The following PTCD2 variants were observed in gnomAD, a reference collection of about 807,000 sequenced individuals.
PTCD2 encodes pentatricopeptide repeat-containing protein 2, mitochondrial.
PTCD2 carries 31 observed loss-of-function variants against 42.6 expected under a neutral mutation model. The observed-to-expected ratio is 0.73, with a 90% CI of 0.55 to 0.98. The LOEUF is 0.98. Among genes scored for constraint, PTCD2 ranks in the 50% least tolerant of loss-of-function variants. PTCD2 has a pLI of 0.00. For synonymous variants in PTCD2, 183 were observed against 170.9 expected, an observed-to-expected ratio of 1.07 and a Z score of -0.55; for missense variants, 476 against 454.8, an observed-to-expected ratio of 1.05 and a Z score of -0.42.
At chr5:72,352,544 A>T in intron 8 of PTCD2, 97 bp from the exon 9 acceptor site, 1 of 607,964 alleles carries the variant, frequency 1.6e-6, no homozygotes, top group East Asian at 3.0e-5. Flanking sequence ...AAAGCAGGGT[A>T]GGTGCCTATA....
rs917147930 is a variant in PTCD2, at chr5:72,362,329, G to A, written c.*3902G>A. On this transcript the variant is annotated 3_prime_UTR_variant, in exon 10 of 10. Transcript: ENST00000380639. ...TTTGGTCACCCCTTCCTTTAAGCGAGGTCATGGCAAAAAGACGCTGTCTAT... is the reference window on the plus strand; with the variant it reads ...TTTGGTCACCCCTTCCTTTAAGCGAAGTCATGGCAAAAAGACGCTGTCTAT... 7 of 152,128 alleles carry A rather than the reference G, an allele frequency of 4.6e-5. No individual in the cohort carries two copies. Among genetic ancestry groups the A allele is most frequent in the African/African-American group, 1.7e-4 (7 of 41,436 alleles). The allele number at this position is 152,128 out of a possible 1,614,324, so 9.4% of individuals were successfully genotyped here. A position where few individuals can be genotyped will look rare whatever the true frequency, so the allele number is the denominator to read the frequency against.
chr5:72,364,579 A>T lies in PTCD2; in HGVS notation c.*6152A>T, dbSNP rs1469739510. 6.6e-6 allele frequency: 1 copy of T among 152,200 alleles called. No homozygotes were observed. The highest frequency in any genetic ancestry group is 6.5e-5 in the Admixed American group (1 of 15,282). 9.4% of individuals were successfully genotyped at this position (152,200 alleles called of 1,614,324 possible). ...TAGCATATTATTTATACATCTAATG[A>T]GGTCTTAATATTTTTTGAAAGAGTG... On this transcript the variant is annotated 3_prime_UTR_variant, in exon 10 of 10. Transcript: ENST00000380639.
rs760228841 is a variant in PTCD2, at chr5:72,358,408, A to G, written c.1148A>G (p.Gln383Arg). 6.2e-7 allele frequency: 1 copy of G among 1,613,458 alleles called. No individual in the cohort carries two copies. Among genetic ancestry groups the G allele is most frequent in the East Asian group, 2.2e-5 (1 of 44,836 alleles). The change falls in exon 10 of 10, where the codon CAG (glutamine) becomes CGG (arginine). Residue 383 changes from glutamine to arginine, a missense_variant. Transcript: ENST00000380639. ...CGTCGCACCTTCCAGCCACTCAGCC[A>G]GTCCCTGTTGGCTGAGTAACCCTGG... is the stretch of plus-strand genomic sequence containing the variant. ...VSRRTFQPLS[Q>R]SLLAE
chr5:72,334,977 GT>G, intron 4 of PTCD2, 40 bp from the exon 5 acceptor site: 1 of 1,276,848 alleles, frequency 7.8e-7, no homozygotes, highest in Non-Finnish European at 1.1e-6. Context: ...TCAATAAATA[GT>G]TTTAACTTTT....
intron 9 of PTCD2, among the ~76,000 whole-genome samples, chr5:72,356,101 A>G (rs754356960): frequency 6.6e-6 from 1 of 152,188 alleles, no homozygotes; most frequent in Non-Finnish European, 1.5e-5. Context: ...GATCCACCCA[A>G]CCCTTTTGGA....
chr5:72,338,768 GA>G, intron 7 of PTCD2, 33 bp downstream of exon 7: 1 of 1,203,786 alleles, frequency 8.3e-7, no homozygotes, highest in Non-Finnish European at 1.2e-6. Context: ...AGTAAATTGG[GA>G]GTGGCCAGGA....
At position 72,322,264 on chromosome 5, in the gene PTCD2, G is replaced by A. The variant is rs764484159; in HGVS notation, c.220G>A (p.Glu74Lys). 6.5e-7 allele frequency: 1 copy of A among 1,545,906 alleles called. No homozygotes were observed. Among genetic ancestry groups the A allele is most frequent in the Non-Finnish European group, 8.9e-7 (1 of 1,119,594 alleles). Reference protein sequence around the residue: ...AVACNLSGTKETYFRNLKKKL... With the variant: ...AVACNLSGTKKTYFRNLKKKL... ...TGCATGTAATCTTTCTGGCACTAAA[G>A]GTAATAGAATCTATTTTGTTAATTC... is the stretch of plus-strand genomic sequence containing the variant. Residue 74 changes from glutamate to lysine, a missense_variant and splice_region_variant, in exon 2 of 10, where the codon GAA becomes AAA. Physicochemically the swap from Glu to Lys is moderately conservative, Grantham distance 56. Transcript: ENST00000380639.
intron 3 of PTCD2, 62 bp from the exon 4 acceptor site, chr5:72,331,196 T>G: frequency 9.6e-7 from 1 of 1,044,142 alleles, no homozygotes; most frequent in East Asian, 2.4e-5. Context: ...CCTGCCATAG[T>G]CTGTGTCTGT....
In PTCD2 at chr5:72,326,689, C is replaced by T; in HGVS notation, c.298C>T (p.His100Tyr). The stretch of plus-strand genomic sequence containing the variant: ...GAAGGGGGAGTTGATAACCTTACTA[C>T]ATTTGTGTGAGTCTCGGGACCATGT... ...ILKGELITLL[H>Y]LCESRDHVEL... The change falls in exon 3 of 10, where the codon CAT becomes TAT. Residue 100 changes from histidine (H) to tyrosine (Y), a missense_variant. Transcript: ENST00000380639. 22 of 1,614,108 alleles carry T rather than the reference C, an allele frequency of 1.4e-5. No homozygotes were observed. The highest frequency in any genetic ancestry group is 1.8e-5 in the Non-Finnish European group (21 of 1,179,964).
chr5:72,334,018 C>A (rs909613265), intron 4 of PTCD2, among the ~76,000 whole-genome samples: 1 of 151,956 alleles, frequency 6.6e-6, no homozygotes, highest in Non-Finnish European at 1.5e-5. Context: ...CCACCACACC[C>A]AGCTAATTTT....
At chr5:72,321,347 T>C (rs1750834609) in intron 1 of PTCD2, 1 of 152,194 alleles carries the variant, frequency 6.6e-6, no homozygotes, top group Non-Finnish European at 1.5e-5. Flanking sequence ...GAAGTACCAT[T>C]CTTTTCTCCA....
At chr5:72,357,847 C>CTTT (rs67784172) in intron 9 of PTCD2, among the ~76,000 whole-genome samples, 1 of 144,038 alleles carries the variant, frequency 6.9e-6, no homozygotes. Context: ...GTATACCATA[C>CTTT]TTTTTTTTTT....
At chr5:72,326,865 C>G (rs755423138) in intron 3 of PTCD2, 124 bp downstream of exon 3, 1 of 923,800 alleles carries the variant, frequency 1.1e-6, no homozygotes, top group East Asian at 2.5e-5. Flanking sequence ...ATCTCTTGTT[C>G]GGATGCCTAC....
Position 72,364,905 on chromosome 5 carries a change from A to T in PTCD2, c.*6478A>T, listed in dbSNP as rs1753167189. On this transcript the variant is annotated 3_prime_UTR_variant, in exon 10 of 10. Coordinates refer to ENST00000380639, the MANE Select transcript of PTCD2 (RefSeq NM_024754.5). ...AAGTGATTTGGCGAGGGGTTGGGGGAGTAGGCGGTGGGCACAACGGTTCCA... is the reference window on the plus strand; with the variant it reads ...AAGTGATTTGGCGAGGGGTTGGGGGTGTAGGCGGTGGGCACAACGGTTCCA... The T allele has an allele frequency of 6.6e-6, 1 of 152,308 alleles. No individual in the cohort carries two copies. The highest frequency in any genetic ancestry group is 2.4e-5 in the African/African-American group (1 of 41,424). 9.4% of individuals were successfully genotyped at this position (152,308 alleles called of 1,614,324 possible). A position where few individuals can be genotyped will look rare whatever the true frequency, so the allele number is the denominator to read the frequency against.
intron 8 of PTCD2, among the ~76,000 whole-genome samples, chr5:72,349,017 G>T (rs977265989): frequency 2.6e-5 from 4 of 152,202 alleles, no homozygotes; most frequent in African/African-American, 9.6e-5. Context: ...AATTGCATTT[G>T]TTTGGGAGCA....
At position 72,358,967 on chromosome 5, in the gene PTCD2, C is replaced by A. The variant is rs1753020324; in HGVS notation, c.*540C>A. 6.5e-6 allele frequency: 1 copy of A among 153,458 alleles called. No individual in the cohort carries two copies. The highest frequency in any genetic ancestry group is 1.4e-5 in the Non-Finnish European group (1 of 68,970). 9.5% of individuals were successfully genotyped at this position (153,458 alleles called of 1,614,324 possible). ...GTGTCTTTGCATATAGATTTGAAAT[C>A]TTCATTCAAGGTTTAGTAGGATCAT... On this transcript the variant is annotated 3_prime_UTR_variant, in exon 10 of 10. Transcript: ENST00000380639.
intron 3 of PTCD2, among the ~76,000 whole-genome samples, chr5:72,330,032 A>G (rs775765181): frequency 1.3e-5 from 2 of 150,406 alleles, no homozygotes; most frequent in Non-Finnish European, 2.9e-5. Context: ...TCCTGGGTTC[A>G]TGCCATTCTC....
At position 72,358,433 on chromosome 5, in the gene PTCD2, G is replaced by A. The variant is rs1294752004; in HGVS notation, c.*6G>A. 6.2e-7 allele frequency: 1 copy of A among 1,606,956 alleles called. No individual in the cohort carries two copies. Among genetic ancestry groups the A allele is most frequent in the Admixed American group, 1.7e-5 (1 of 59,892 alleles). The stretch of plus-strand genomic sequence containing the variant: ...AGTCCCTGTTGGCTGAGTAACCCTG[G>A]TTTCAGTCCACCTATGGATCTGAGG... On this transcript the variant is annotated 3_prime_UTR_variant, in exon 10 of 10. Coordinates refer to ENST00000380639, the MANE Select transcript of PTCD2 (RefSeq NM_024754.5).
Position 72,358,744 on chromosome 5 carries a change from G to C in PTCD2, c.*317G>C, listed in dbSNP as rs1486006432. 1 of 345,840 alleles carries C rather than the reference G, an allele frequency of 2.9e-6. No individual in the cohort carries two copies. The highest frequency in any genetic ancestry group is 5.4e-6 in the Non-Finnish European group (1 of 186,174). 21.4% of individuals were successfully genotyped at this position (345,840 alleles called of 1,614,324 possible). ...GAACCCAGTAAGCACCATCAGGAATGAATTTCACTACAAGTGTGGATAACT... is the reference window on the plus strand; with the variant it reads ...GAACCCAGTAAGCACCATCAGGAATCAATTTCACTACAAGTGTGGATAACT... On this transcript the variant is annotated 3_prime_UTR_variant, in exon 10 of 10. Transcript: ENST00000380639.
Sources: gnomAD v4.1 joint callset for allele counts (sites outside exome capture counted in the v4.1 genomes callset) on GRCh38, gnomAD v4.1.1 for gene constraint, MANE v1.5 for transcripts, NCBI Gene and HGNC (gene_info 2026-07-23, HGNC 2026-07-21) for gene names.